Variants in TUBB3 observed in about 807,000 individuals in gnomAD.
TUBB3 encodes the protein tubulin beta-3 chain.
TUBB3 carries 17 observed loss-of-function variants against 37.8 expected under a neutral mutation model. The observed-to-expected ratio is 0.45, with a 90% CI of 0.31 to 0.67. TUBB3 has a LOEUF of 0.67. Ranked by LOEUF, TUBB3 falls within the 30% of genes least tolerant of loss-of-function variation. TUBB3 has a pLI of 0.07. For missense variants in TUBB3, 262 were observed against 657.9 expected (o/e 0.40, Z 6.58); for synonymous variants, 332 against 278.9 (o/e 1.19, Z -1.90).
intron 2 of TUBB3, chr16:89,933,056 G>T: frequency 2.1e-6 from 1 of 468,374 alleles, no homozygotes; most frequent in Non-Finnish European, 4.0e-6. Context: ...ATATCAAAGT[G>T]GTGATACACC....
chr16:89,929,110 G>A lies in TUBB3; in HGVS notation c.58-3461G>A, dbSNP rs536464710. On this transcript the variant is annotated intron_variant, in intron 1 of 3. Coordinates refer to ENST00000315491, the MANE Select transcript of TUBB3 (RefSeq NM_006086.4). Reference sequence around the variant, plus strand: ...CTGAAACAACTGAAATTACAGGTGCGCGCTACCACGCCCGGCTAATTTTTG... The same window carrying A: ...CTGAAACAACTGAAATTACAGGTGCACGCTACCACGCCCGGCTAATTTTTG... 2.0e-5 allele frequency among the ~76,000 whole-genome samples: 3 copies of A among 151,918 alleles called. No homozygotes were observed. The East Asian group carries it at 5.8e-4, about 29-fold the overall frequency.
intron 3 of TUBB3, chr16:89,934,430 A>G (rs1469731776): frequency 7.0e-6 from 4 of 569,192 alleles, no homozygotes; most frequent in Admixed American, 2.2e-5. Flanking sequence ...GAAGGAAGGT[A>G]TGCTGGAGCA....
In TUBB3 at chr16:89,935,690, C is replaced by G. The variant is rs2151093115; in HGVS notation, c.1239C>G (p.Ser413Arg). 1 of 1,613,902 alleles carries G rather than the reference C, an allele frequency of 6.2e-7. No homozygotes were observed. The highest frequency in any genetic ancestry group is 8.5e-7 in the Non-Finnish European group (1 of 1,179,906). The change falls in exon 4 of 4, where the codon AGC becomes AGG. Residue 413 changes from serine (S) to arginine (R), a missense_variant. Transcript: ENST00000315491. ...MDEMEFTEAE[S>R]NMNDLVSEYQ... ...AGATGGAGTTCACCGAGGCCGAGAGCAACATGAACGACCTGGTGTCCGAGT... is the reference window on the plus strand; with the variant it reads ...AGATGGAGTTCACCGAGGCCGAGAGGAACATGAACGACCTGGTGTCCGAGT...
Position 89,924,041 on chromosome 16 carries a change from G to A in TUBB3, c.57+583G>A, listed in dbSNP as rs866021384. Among the ~76,000 whole-genome samples, 8 of 152,326 alleles carry A rather than the reference G, an allele frequency of 5.3e-5. No homozygotes were observed. The South Asian group carries it at 1.2e-3, about 24-fold the overall frequency. On this transcript the variant is annotated intron_variant, in intron 1 of 3. Coordinates refer to ENST00000315491, the MANE Select transcript of TUBB3 (RefSeq NM_006086.4). Reference sequence around the variant, plus strand: ...CTGGACTCGAGATGACCTTGGTCCAGGACCAGGCTCTCCATCGGCGCAGCC... The same window carrying A: ...CTGGACTCGAGATGACCTTGGTCCAAGACCAGGCTCTCCATCGGCGCAGCC...
At chr16:89,928,671 C>CGCG (rs2030171569) in intron 1 of TUBB3, among the ~76,000 whole-genome samples, 6 of 151,948 alleles carry the variant, frequency 3.9e-5, no homozygotes, top group African/African-American at 1.5e-4. Flanking sequence ...ACTACAGGTG[C>CGCG]CCGCCACCGC....
rs747564957 is a variant in TUBB3, at chr16:89,932,551, C to A, written c.58-20C>A. 5 of 1,609,006 alleles carry A rather than the reference C, an allele frequency of 3.1e-6. No individual in the cohort carries two copies. Among genetic ancestry groups the A allele is most frequent in the East Asian group, 2.2e-5 (1 of 44,868 alleles). ...GGCTATGGGCCGGTGCCGACCCCCC[C>A]TCTCCCACTTTGTTTGCAGTTCTGG... On this transcript the variant is annotated intron_variant, in intron 1 of 3. Transcript: ENST00000315491.
intron 1 of TUBB3, among the ~76,000 whole-genome samples, chr16:89,928,664 ACAGG>A (rs2030171150): frequency 4.0e-5 from 6 of 151,880 alleles, no homozygotes; most frequent in African/African-American, 1.5e-4. Flanking sequence ...AGCTGGGACT[ACAGG>A]TGCCCGCCAC....
In TUBB3 at chr16:89,931,820, C is replaced by T. The variant is rs537388443; in HGVS notation, c.58-751C>T. 346 of 397,504 alleles carry T rather than the reference C, an allele frequency of 8.7e-4. 1 individual carries two copies. The highest frequency in any genetic ancestry group is 4.5e-3 in the South Asian group (253 of 56,422). The allele number at this position is 397,504 out of a possible 1,614,324, so 24.6% of individuals were successfully genotyped here. On this transcript the variant is annotated intron_variant, in intron 1 of 3. Transcript: ENST00000315491. ...CGGCAGCTGTCATGGGAGCAGAGTC[C>T]GAGAAGCACTGCAGGCACCTGCTCT... is the stretch of plus-strand genomic sequence containing the variant.
chr16:89,932,250 G>A lies in TUBB3; in HGVS notation c.58-321G>A, dbSNP rs556975892. 36 of 440,188 alleles carry A rather than the reference G, an allele frequency of 8.2e-5. No individual in the cohort carries two copies. The East Asian group carries it at 1.3e-3, about 16-fold the overall frequency. The allele number at this position is 440,188 out of a possible 1,614,324, so 27.3% of individuals were successfully genotyped here. ...AACCCTCAAGGTGTTTATTACCAATGCCCTTCATGGAGGAATCCGCTGCTC... is the reference window on the plus strand; with the variant it reads ...AACCCTCAAGGTGTTTATTACCAATACCCTTCATGGAGGAATCCGCTGCTC... On this transcript the variant is annotated intron_variant, in intron 1 of 3. Coordinates refer to ENST00000315491, the MANE Select transcript of TUBB3 (RefSeq NM_006086.4).
In TUBB3 at chr16:89,935,766, G is replaced by T; in HGVS notation, c.1315G>T (p.Asp439Tyr). 6.2e-7 allele frequency: 1 copy of T among 1,613,882 alleles called. No homozygotes were observed. The highest frequency in any genetic ancestry group is 8.5e-7 in the Non-Finnish European group (1 of 1,179,946). ...TAEEEGEMYE[D>Y]DEEESEAQGP... Reference sequence around the variant, plus strand: ...CGAGGAAGAGGGCGAGATGTACGAAGACGACGAGGAGGAGTCGGAGGCCCA... The same window carrying T: ...CGAGGAAGAGGGCGAGATGTACGAATACGACGAGGAGGAGTCGGAGGCCCA... The change falls in exon 4 of 4, where the codon GAC becomes TAC. Residue 439 changes from aspartate to tyrosine, a missense_variant. Around this residue, in one of 3 missense-constraint regions of TUBB3, gnomAD observed 39 missense variants for 26.9 expected, o/e 1.45. Transcript: ENST00000315491.
intron 1 of TUBB3, among the ~76,000 whole-genome samples, chr16:89,928,168 C>T (rs982589247): frequency 6.6e-6 from 1 of 152,136 alleles, no homozygotes; most frequent in African/African-American, 2.4e-5. Flanking sequence ...GATCCTCCCA[C>T]CTCAGCCTCC....
At chr16:89,932,773 C>G (rs1287863275) in intron 2 of TUBB3, 94 bp downstream of exon 2, 17 of 1,000,282 alleles carry the variant, frequency 1.7e-5, no homozygotes, top group Non-Finnish European at 2.6e-5. Flanking sequence ...CTCACCAGCT[C>G]TCAGCATCTC....
At chr16:89,933,364 G>T in intron 2 of TUBB3, 104 bp from the exon 3 acceptor site, 1 of 960,752 alleles carries the variant, frequency 1.0e-6, no homozygotes, top group Non-Finnish European at 1.7e-6. Context: ...CAGGCTCTTA[G>T]GATGTGAGCA....
At chr16:89,924,148 G>T (rs1365210672) in intron 1 of TUBB3, among the ~76,000 whole-genome samples, 1 of 152,238 alleles carries the variant, frequency 6.6e-6, no homozygotes, top group East Asian at 1.9e-4. Flanking sequence ...AACAAAGCCG[G>T]GCTGTGGGGT....
intron 1 of TUBB3, among the ~76,000 whole-genome samples, chr16:89,927,470 C>G (rs7191944): frequency 0.35 from 53,111 of 151,890 alleles, 9,860 homozygotes; most frequent in East Asian, 0.64. Flanking sequence ...TTAATATATT[C>G]TCCTGGTTAA....
At chr16:89,932,534 G>T (rs1205651983) in intron 1 of TUBB3, 37 bp from the exon 2 acceptor site, 1 of 1,570,428 alleles carries the variant, frequency 6.4e-7, no homozygotes, top group Non-Finnish European at 8.8e-7. Context: ...GGGGCTATGG[G>T]CCGGTGCCGA....
chr16:89,935,751 G>A lies in TUBB3; in HGVS notation c.1300G>A (p.Gly434Ser). 6.2e-7 allele frequency: 1 copy of A among 1,613,948 alleles called. No homozygotes were observed. Among genetic ancestry groups the A allele is most frequent in the Non-Finnish European group, 8.5e-7 (1 of 1,179,964 alleles). ...QYQDATAEEE[G>S]EMYEDDEEES... is the part of the protein sequence containing the mutation. ...CCAGGACGCCACGGCCGAGGAAGAG[G>A]GCGAGATGTACGAAGACGACGAGGA... is the stretch of plus-strand genomic sequence containing the variant. Residue 434 changes from glycine (G) to serine (S), a missense_variant, in exon 4 of 4, where the codon GGC becomes AGC. Transcript: ENST00000315491.
chr16:89,931,879 A>C (rs541193541), intron 1 of TUBB3: 4 of 410,400 alleles, frequency 9.7e-6, no homozygotes, highest in South Asian at 6.9e-5. Flanking sequence ...AGGTAGAGAG[A>C]GGACGACCCC....
At chr16:89,930,440 A>G (rs542209850) in intron 1 of TUBB3, among the ~76,000 whole-genome samples, 7 of 149,768 alleles carry the variant, frequency 4.7e-5, no homozygotes, top group South Asian at 2.1e-4. Context: ...TTATTATTCT[A>G]TGAGACAGAG....
Sources: gnomAD v4.1 joint callset for allele counts (sites outside exome capture counted in the v4.1 genomes callset) on GRCh38, gnomAD v4.1.1 for gene constraint, gnomAD v4.1.1 regional missense constraint, MANE v1.5 for transcripts, NCBI Gene and HGNC (gene_info 2026-07-23, HGNC 2026-07-21) for gene names.